The following CELF2 variants were observed in gnomAD, a reference collection of about 807,000 sequenced individuals.
CELF2 encodes CUGBP Elav-like family member 2.
In CELF2, 8 loss-of-function variants were observed where a neutral mutation model predicts 62.6. The ratio of observed to expected loss-of-function variants is 0.13; its 90% CI spans 0.07 to 0.23. The LOEUF is 0.23. Among genes scored for constraint, CELF2 ranks in the 10% least tolerant of loss-of-function variants. CELF2 has a pLI of 1.00. For synonymous variants in CELF2, 258 were observed against 250.0 expected (o/e 1.03, Z -0.30); for missense variants, 333 against 671.0 (o/e 0.50, Z 5.56).
At chr10:11,071,829 C>G (rs1052911849) in intron 1 of CELF2, 2 of 152,182 alleles carry the variant, frequency 1.3e-5, no homozygotes, top group African/African-American at 2.4e-5. Flanking sequence ...CACGCAGGAA[C>G]AAAACAGATC....
the CELF2 span, among the ~76,000 whole-genome samples, chr10:10,597,361 T>C: frequency 6.6e-6 from 1 of 152,222 alleles, no homozygotes; most frequent in Non-Finnish European, 1.5e-5. Flanking sequence ...AGATTATTTG[T>C]TTGCTTGTTT....
chr10:11,234,576 G>A (rs2070311934), intron 3 of CELF2, among the ~76,000 whole-genome samples: 1 of 129,428 alleles, frequency 7.7e-6, no homozygotes, highest in South Asian at 2.8e-4. Flanking sequence ...CAGCTAATCG[G>A]GAGGTTGAGG....
rs1564846267 is a variant in CELF2 at position 10,936,341 on chromosome 10, A to G, written c.89+16342A>G. Reference sequence around the variant, plus strand: ...AATTGTGCAAAAATTCTCATGTTACATGACTGTTCTCCCTGCAGTATACAC... The same window carrying G: ...AATTGTGCAAAAATTCTCATGTTACGTGACTGTTCTCCCTGCAGTATACAC... On this transcript the variant is annotated intron_variant, in intron 2 of 13. Coordinates refer to the CELF2 transcript ENST00000636488. The surrounding 1 kb of genome is among the most constrained non-coding windows in gnomAD (Gnocchi z 4.0). 6.6e-6 allele frequency among the ~76,000 whole-genome samples: 1 copy of G among 152,216 alleles called. No homozygotes were observed. Among genetic ancestry groups the G allele is most frequent in the African/African-American group, 2.4e-5 (1 of 41,458 alleles).
chr10:10,852,721 G>A (rs1369721083), intron 1 of CELF2, among the ~76,000 whole-genome samples: 1 of 152,198 alleles, frequency 6.6e-6, no homozygotes, highest in East Asian at 1.9e-4. Flanking sequence ...AATGGGCAAA[G>A]CATTCACATG....
At chr10:10,668,501 T>C in the CELF2 span, among the ~76,000 whole-genome samples, 1 of 152,240 alleles carries the variant, frequency 6.6e-6, no homozygotes, top group African/African-American at 2.4e-5. Context: ...CGGTACGCAG[T>C]TTGGGCTAAA....
chr10:10,474,568 A>T, the CELF2 span, among the ~76,000 whole-genome samples: 1 of 152,100 alleles, frequency 6.6e-6, no homozygotes, highest in Non-Finnish European at 1.5e-5. Context: ...ATTTATGCAC[A>T]CTGAAATTTG....
chr10:10,684,275 T>C, the CELF2 span, among the ~76,000 whole-genome samples: 1 of 152,164 alleles, frequency 6.6e-6, no homozygotes, highest in African/African-American at 2.4e-5. Context: ...AGTGTGCAAG[T>C]TGATATACAA....
the CELF2 span, among the ~76,000 whole-genome samples, chr10:10,741,047 C>G: frequency 5.3e-5 from 8 of 151,910 alleles, no homozygotes; most frequent in Non-Finnish European, 1.5e-5. Context: ...GTATTGCATA[C>G]TAATAATTTG....
chr10:10,599,076 T>C, the CELF2 span, among the ~76,000 whole-genome samples: 1 of 152,166 alleles, frequency 6.6e-6, no homozygotes, highest in Non-Finnish European at 1.5e-5. Context: ...AATTTTTTAA[T>C]AATTCAGCAT....
intron 2 of CELF2, among the ~76,000 whole-genome samples, chr10:10,994,377 A>T (rs1218847603): frequency 6.6e-6 from 1 of 152,160 alleles, no homozygotes; most frequent in Non-Finnish European, 1.5e-5. Flanking sequence ...TCATTTACTG[A>T]TCCAGAAATT....
Position 11,321,115 on chromosome 10 carries a change from T to G in CELF2, c.1097-74T>G. On this transcript the variant is annotated intron_variant, in intron 10 of 12. Coordinates refer to ENST00000633077, the MANE Select transcript of CELF2 (RefSeq NM_001326342.2). The surrounding 1 kb of genome is among the most constrained non-coding windows in gnomAD (Gnocchi z 6.2). ...TTGCTGTTGTACTGTGTTTAAATGATTCTCTAACTTCCTTTGGAAAGCACT... is the reference window on the plus strand; with the variant it reads ...TTGCTGTTGTACTGTGTTTAAATGAGTCTCTAACTTCCTTTGGAAAGCACT... The G allele has an allele frequency of 6.7e-7, 1 of 1,500,536 alleles. No homozygotes were observed. The highest frequency in any genetic ancestry group is 1.4e-5 in the African/African-American group (1 of 72,666). The allele number at this position is 1,500,536 out of a possible 1,614,324, so 93.0% of individuals were successfully genotyped here. A position where few individuals can be genotyped will look rare whatever the true frequency, so the allele number is the denominator to read the frequency against.
At chr10:11,148,025 T>C (rs2062595971) in intron 1 of CELF2, among the ~76,000 whole-genome samples, 1 of 152,234 alleles carries the variant, frequency 6.6e-6, no homozygotes, top group African/African-American at 2.4e-5. Flanking sequence ...AGATTTTACA[T>C]TAAAGTACGA....
chr10:10,525,345 T>G, the CELF2 span, among the ~76,000 whole-genome samples: 1 of 152,088 alleles, frequency 6.6e-6, no homozygotes, highest in Non-Finnish European at 1.5e-5. Flanking sequence ...TAAACTGTCT[T>G]AAAACCTGAT....
intron 4 of CELF2, among the ~76,000 whole-genome samples, chr10:11,251,159 G>T (rs1457278739): frequency 6.6e-6 from 1 of 151,502 alleles, no homozygotes; most frequent in Non-Finnish European, 1.5e-5. Context: ...AAAGTCTATG[G>T]AAAAGGGTTT....
chr10:10,768,954 C>G, the CELF2 span, among the ~76,000 whole-genome samples: 2 of 152,134 alleles, frequency 1.3e-5, no homozygotes, highest in East Asian at 1.9e-4. Flanking sequence ...AATGCATGCT[C>G]CCTCTGTCCT....
At chr10:11,015,036 C>T (rs75694468), upstream of CELF2, among the ~76,000 whole-genome samples, 497 of 152,308 alleles carry the variant, frequency 3.3e-3, 5 homozygotes, top group African/African-American at 0.011. The surrounding 1 kb of genome is among the most constrained non-coding windows in gnomAD (Gnocchi z 4.8). Flanking sequence ...TCGTCCCCTC[C>T]ACTGCTGTCG....
At chr10:11,125,206 T>TTA (rs2058470024) in intron 1 of CELF2, among the ~76,000 whole-genome samples, 2 of 152,154 alleles carry the variant, frequency 1.3e-5, no homozygotes, top group Admixed American at 6.6e-5. Context: ...GTGCAGATCA[T>TTA]TAAACAGCAG....
At chr10:11,057,857 G>C (rs1177350115) in intron 1 of CELF2, among the ~76,000 whole-genome samples, 1 of 152,142 alleles carries the variant, frequency 6.6e-6, no homozygotes, top group African/African-American at 2.4e-5. Flanking sequence ...ACAAGATTCT[G>C]ACATTTGCTA....
chr10:10,890,555 T>G (rs57684871), intron 1 of CELF2, among the ~76,000 whole-genome samples: 2,869 of 152,372 alleles, frequency 0.019, 70 homozygotes, highest in African/African-American at 0.061. Flanking sequence ...GTTTAGGATT[T>G]GCTCATTTGT....
Sources: gnomAD v4.1 joint callset for allele counts (sites outside exome capture counted in the v4.1 genomes callset) on GRCh38, gnomAD v4.1.1 for gene constraint, Gnocchi (gnomAD v3.1) non-coding constraint, MANE v1.5 for transcripts, NCBI Gene and HGNC (gene_info 2026-07-23, HGNC 2026-07-21) for gene names.